TRPC4: variants seen among roughly 807,000 people sequenced by gnomAD.
TRPC4 encodes the protein short transient receptor potential channel 4.
In TRPC4, 49 loss-of-function variants were observed where a neutral mutation model predicts 99.4. That is an observed-to-expected ratio of 0.49 (90% confidence interval 0.39 to 0.63). The LOEUF (loss-of-function observed/expected upper bound fraction) is 0.63. Ranked by LOEUF, TRPC4 falls within the 20% of genes least tolerant of loss-of-function variation. The pLI is 0.00. For synonymous variants in TRPC4, 454 were observed against 425.9 expected (o/e 1.07, Z -0.81); for missense variants, 898 against 1,152.9 (o/e 0.78, Z 3.20).
At chr13:37,851,558 A>G (rs1959058128) in intron 1 of TRPC4, among the ~76,000 whole-genome samples, 1 of 152,224 alleles carries the variant, frequency 6.6e-6, no homozygotes, top group African/African-American at 2.4e-5. Context: ...TATTAATTCA[A>G]TAAATTGGTT....
At chr13:37,833,807 T>C (rs956791803) in intron 1 of TRPC4, among the ~76,000 whole-genome samples, 3 of 152,194 alleles carry the variant, frequency 2.0e-5, no homozygotes, top group Admixed American at 6.5e-5. Context: ...CATTTGGCTT[T>C]CCAGGATCTT....
chr13:37,759,065 TAA>T (rs754112018), intron 2 of TRPC4, among the ~76,000 whole-genome samples: 1 of 151,734 alleles, frequency 6.6e-6, no homozygotes, highest in Admixed American at 6.6e-5. Context: ...ATTGAGACTA[TAA>T]TTCAAGAATA....
Position 37,632,701 on chromosome 13 carries a change from TTTTA to T in TRPC4, c.*4198_*4201del, listed in dbSNP as rs1258905926. On this transcript the variant is annotated 3_prime_UTR_variant, in exon 11 of 11. Transcript: ENST00000379705. ...AGAAGCTTTGATATAATTTAATACA[TTTTA>T]TTATTACCAGTATGCATACAGGTTA... 3.3e-5 allele frequency among the ~76,000 whole-genome samples: 5 copies of T among 152,204 alleles called. No individual in the cohort carries two copies. The highest frequency in any genetic ancestry group is 2.9e-5 in the Non-Finnish European group (2 of 68,030).
At chr13:37,691,242 C>T (rs575004068) in intron 4 of TRPC4, among the ~76,000 whole-genome samples, 584 of 152,194 alleles carry the variant, frequency 3.8e-3, no homozygotes, top group Middle Eastern at 0.014. Context: ...GCTGGGACTA[C>T]AGGCGCCCGC....
intron 2 of TRPC4, among the ~76,000 whole-genome samples, chr13:37,769,057 A>G (rs985348998): frequency 3.3e-5 from 5 of 151,524 alleles, no homozygotes; most frequent in African/African-American, 4.8e-5. Context: ...CAGTTAATAA[A>G]ATGGTGCAAA....
intron 1 of TRPC4, among the ~76,000 whole-genome samples, chr13:37,819,838 A>AC (rs1320764357): frequency 6.6e-6 from 1 of 151,844 alleles, no homozygotes; most frequent in East Asian, 1.9e-4. Context: ...TTAAAAAAAA[A>AC]AACAAAAAAA....
intron 3 of TRPC4, among the ~76,000 whole-genome samples, chr13:37,734,346 GA>G (rs1442317471): frequency 6.6e-6 from 1 of 152,136 alleles, no homozygotes; most frequent in Non-Finnish European, 1.5e-5. Context: ...ACTTCTGAAA[GA>G]AATTTGAACT....
chr13:37,652,009 C>T (rs1019783080), intron 7 of TRPC4, among the ~76,000 whole-genome samples: 5 of 152,218 alleles, frequency 3.3e-5, no homozygotes, highest in African/African-American at 1.2e-4. Context: ...AATTGGGCCT[C>T]TCTGACACAC....
chr13:37,674,091 T>A (rs943989392), intron 5 of TRPC4, 137 bp downstream of exon 5: 9 of 771,810 alleles, frequency 1.2e-5, no homozygotes, highest in Non-Finnish European at 1.7e-5. Context: ...TATATATCTA[T>A]CAATAAAACC....
intron 1 of TRPC4, among the ~76,000 whole-genome samples, chr13:37,867,541 G>A (rs183701339): frequency 6.6e-6 from 1 of 152,004 alleles, no homozygotes. Flanking sequence ...TTTATCACAG[G>A]GTATGCTGAT....
At chr13:37,851,425 T>C (rs1335409454) in intron 1 of TRPC4, among the ~76,000 whole-genome samples, 1 of 152,196 alleles carries the variant, frequency 6.6e-6, no homozygotes, top group African/African-American at 2.4e-5. Context: ...GACTTTCTAC[T>C]AAATATGATA....
At chr13:37,824,791 T>A (rs1958148873) in intron 1 of TRPC4, among the ~76,000 whole-genome samples, 1 of 152,176 alleles carries the variant, frequency 6.6e-6, no homozygotes, top group South Asian at 2.1e-4. Flanking sequence ...CCTCATAAAA[T>A]GAGTTAGGGA....
intron 8 of TRPC4, among the ~76,000 whole-genome samples, chr13:37,640,744 C>A (rs1951690944): frequency 6.6e-6 from 1 of 152,102 alleles, no homozygotes; most frequent in African/African-American, 2.4e-5. Flanking sequence ...AAAGGAAACA[C>A]ACAGTCTTCT....
At chr13:37,825,849 ATCTG>A (rs1958189226) in intron 1 of TRPC4, among the ~76,000 whole-genome samples, 1 of 151,664 alleles carries the variant, frequency 6.6e-6, no homozygotes, top group South Asian at 2.1e-4. Context: ...TGTCTCATTG[ATCTG>A]TCTAATGTTG....
intron 4 of TRPC4, among the ~76,000 whole-genome samples, chr13:37,686,833 G>A (rs1018616542): frequency 2.6e-5 from 4 of 152,120 alleles, no homozygotes; most frequent in African/African-American, 7.2e-5. Context: ...TTTGCATACT[G>A]TTTAATTGTG....
At chr13:37,663,348 C>G (rs1333235063) in intron 6 of TRPC4, 68 bp downstream of exon 6, 1 of 1,448,678 alleles carries the variant, frequency 6.9e-7, no homozygotes, top group Non-Finnish European at 9.3e-7. Flanking sequence ...ATAGGTTTTT[C>G]AAGTTTGTGA....
chr13:37,788,963 T>G (rs369767270), intron 1 of TRPC4, among the ~76,000 whole-genome samples: 1 of 152,102 alleles, frequency 6.6e-6, no homozygotes, highest in Admixed American at 6.6e-5. Flanking sequence ...ACTAAAATGT[T>G]GATGTTCATC....
intron 8 of TRPC4, among the ~76,000 whole-genome samples, chr13:37,648,099 C>T (rs1488811401): frequency 2.0e-5 from 3 of 152,060 alleles, no homozygotes; most frequent in Non-Finnish European, 2.9e-5. Context: ...CGTGCCACCA[C>T]GCGCAGCTAA....
chr13:37,726,199 C>CAA (rs772378939), intron 3 of TRPC4, among the ~76,000 whole-genome samples: 4 of 148,316 alleles, frequency 2.7e-5, no homozygotes, highest in South Asian at 2.1e-4. Flanking sequence ...CCGTCCCCCC[C>CAA]CAAAAAAAAA....
Sources: allele counts gnomAD v4.1 joint callset (sites outside exome capture counted in the v4.1 genomes callset), GRCh38; gene constraint gnomAD v4.1.1; transcripts MANE v1.5; gene names NCBI Gene and HGNC (gene_info 2026-07-23, HGNC 2026-07-21).